The following ATP6V1B1 variants were observed in gnomAD, a reference collection of about 807,000 sequenced individuals.
The protein encoded by ATP6V1B1 is V-type proton ATPase subunit B, kidney isoform.
In ATP6V1B1, 41 loss-of-function variants were observed where a neutral mutation model predicts 62.1. The ratio of observed to expected loss-of-function variants is 0.66; its 90% CI spans 0.51 to 0.86. ATP6V1B1 has a LOEUF of 0.86. Among genes scored for constraint, ATP6V1B1 ranks in the 40% least tolerant of loss-of-function variants. The probability of loss-of-function intolerance (pLI) is 0.00; values close to 1 mark genes in which losing one functional copy is unlikely to be tolerated. For synonymous variants in ATP6V1B1, 253 were observed against 273.4 expected, an observed-to-expected ratio of 0.93 and a Z score of 0.74; for missense variants, 651 against 697.5, an observed-to-expected ratio of 0.93 and a Z score of 0.75.
chr2:70,961,448 C>G (rs1360076287), intron 7 of ATP6V1B1, 148 bp from the exon 8 acceptor site: 5 of 805,626 alleles, frequency 6.2e-6, no homozygotes, highest in Non-Finnish European at 1.0e-5. Flanking sequence ...CTTTCCAGCC[C>G]CGGGGTCACC....
intron 2 of ATP6V1B1, chr2:70,944,008 T>C: frequency 1.0e-6 from 1 of 985,286 alleles, no homozygotes; most frequent in Non-Finnish European, 1.2e-6. Context: ...CGTTTCCCTA[T>C]CAGTGGCATG....
chr2:70,960,579 C>CCA (rs1385879513), intron 6 of ATP6V1B1, among the ~76,000 whole-genome samples: 1 of 152,134 alleles, frequency 6.6e-6, no homozygotes, highest in Non-Finnish European at 1.5e-5. Flanking sequence ...TCTTGGAGGC[C>CCA]CACAGACTAC....
intron 2 of ATP6V1B1, chr2:70,957,658 A>T (rs909870216): frequency 3.5e-5 from 12 of 345,068 alleles, no homozygotes; most frequent in Non-Finnish European, 5.1e-5. Flanking sequence ...ATGGATCTGC[A>T]TATGTTATCT....
chr2:70,965,190 G>T lies in ATP6V1B1; in HGVS notation c.*69G>T. On this transcript the variant is annotated 3_prime_UTR_variant, in exon 14 of 14. Coordinates refer to ENST00000234396, the MANE Select transcript of ATP6V1B1 (RefSeq NM_001692.4). ...TCGGCTCCCGGGTCTCCCCTCCCTCGCCACCCCAACCAGCGGCTTCTGCGC... is the reference window on the plus strand; with the variant it reads ...TCGGCTCCCGGGTCTCCCCTCCCTCTCCACCCCAACCAGCGGCTTCTGCGC... 1 of 1,585,742 alleles carries T rather than the reference G, an allele frequency of 6.3e-7. No homozygotes were observed.
rs982193032 is a variant in ATP6V1B1, at chr2:70,963,243, C to T, written c.991C>T (p.Arg331Trp). The change falls in exon 10 of 14, where the codon CGG (arginine) becomes TGG (tryptophan). Residue 331 changes from arginine (R) to tryptophan (W), a missense_variant. By Grantham distance (101) the Arg-to-Trp change is moderately radical (BLOSUM62 -3). Coordinates refer to ENST00000234396, the MANE Select transcript of ATP6V1B1 (RefSeq NM_001692.4). This position sits in a 1 kb window ranked among gnomAD's most constrained non-coding sequence, Gnocchi z 4.3. ...CACAGACCTGGCCACCATCTACGAG[C>T]GGGCGGGCCGCGTGGAGGGTCGGGG... ...MYTDLATIYE[R>W]AGRVEGRGGS... The T allele has an allele frequency of 2.7e-5, 43 of 1,613,934 alleles. No homozygotes were observed. Among genetic ancestry groups the T allele is most frequent in the Admixed American group, 3.3e-5 (2 of 60,026 alleles).
intron 1 of ATP6V1B1, among the ~76,000 whole-genome samples, chr2:70,936,640 T>G (rs1679860389): frequency 6.6e-6 from 1 of 152,102 alleles, no homozygotes; most frequent in South Asian, 2.1e-4. Context: ...GCTCCCACCT[T>G]CACTTGGGGT....
rs2104831930 is a variant in ATP6V1B1 at position 70,963,272 on chromosome 2, A to G, written c.1020A>G (p.Gly340=). ...CGGGCCGCGTGGAGGGTCGGGGAGG[A>G]TCCATCACACAGATCCCCATCCTCA... is the stretch of plus-strand genomic sequence containing the variant. The part of the protein sequence containing the change: ...ERAGRVEGRG[G]SITQIPILTM... The change falls in exon 10 of 14, where the codon GGA becomes GGG. Residue 340 remains glycine, a synonymous_variant. Transcript: ENST00000234396. This position sits in a 1 kb window ranked among gnomAD's most constrained non-coding sequence, Gnocchi z 4.3. 4 of 1,613,478 alleles carry G rather than the reference A, an allele frequency of 2.5e-6. No homozygotes were observed. Among genetic ancestry groups the G allele is most frequent in the Non-Finnish European group, 2.5e-6 (3 of 1,179,958 alleles).
At chr2:70,961,793 C>G in intron 8 of ATP6V1B1, 100 bp downstream of exon 8, 1 of 1,163,488 alleles carries the variant, frequency 8.6e-7, no homozygotes, top group East Asian at 2.4e-5. Context: ...AGAACTACAG[C>G]CATACGCCAG....
intron 13 of ATP6V1B1, 45 bp from the exon 14 acceptor site, chr2:70,964,913 C>T: frequency 6.2e-7 from 1 of 1,614,072 alleles, no homozygotes; most frequent in South Asian, 1.1e-5. Context: ...CACCCTCCTT[C>T]CGCCCCACAC....
At chr2:70,948,699 G>C (rs1680248752) in intron 2 of ATP6V1B1, 1 of 152,168 alleles carries the variant, frequency 6.6e-6, no homozygotes, top group South Asian at 2.1e-4. Flanking sequence ...CTCCCCGGCC[G>C]GCCTAGTGCT....
chr2:70,940,273 C>T lies in ATP6V1B1; in HGVS notation c.119-3385C>T, dbSNP rs1380113688. On this transcript the variant is annotated intron_variant, in intron 1 of 13. Transcript: ENST00000234396. The stretch of plus-strand genomic sequence containing the variant: ...AGGGAGGAAGTTGAAAGACTTGTCT[C>T]CTGAGGCAGTGGAATTAGAAATGAT... The T allele has an allele frequency of 4.3e-6, 3 of 699,064 alleles. No homozygotes were observed. In the African/African-American group the frequency reaches 5.8e-5, roughly 14 times the overall value. 43.3% of individuals were successfully genotyped at this position (699,064 alleles called of 1,614,324 possible). A position where few individuals can be genotyped will look rare whatever the true frequency, so the allele number is the denominator to read the frequency against.
chr2:70,942,189 A>G (rs574106079), intron 1 of ATP6V1B1: 245 of 455,322 alleles, frequency 5.4e-4, no homozygotes, highest in African/African-American at 4.2e-3. Context: ...AAGCAGGGAC[A>G]CCTCCTTAGT....
At chr2:70,955,202 T>C (rs1680405500) in intron 2 of ATP6V1B1, among the ~76,000 whole-genome samples, 1 of 152,182 alleles carries the variant, frequency 6.6e-6, no homozygotes, top group Non-Finnish European at 1.5e-5. Context: ...AGGGTTTCAC[T>C]CTGTCACCCA....
At chr2:70,960,439 G>A (rs1409089526) in intron 6 of ATP6V1B1, among the ~76,000 whole-genome samples, 1 of 152,162 alleles carries the variant, frequency 6.6e-6, no homozygotes. Context: ...CAGAGCAGCT[G>A]GTGTGACAAG....
At chr2:70,937,194 A>G (rs568404486) in intron 1 of ATP6V1B1, among the ~76,000 whole-genome samples, 100 of 151,978 alleles carry the variant, frequency 6.6e-4, no homozygotes, top group African/African-American at 2.4e-3. Flanking sequence ...CCTAACAGGG[A>G]GTGTGGTGTG....
At position 70,963,931 on chromosome 2, in the gene ATP6V1B1, G is replaced by A. The variant is rs533291393; in HGVS notation, c.1143+277G>A. ...GAATAATCAAATATATCACCCAGAC[G>A]CATTGTGGAGGATAAAAATAAGTTG... On this transcript the variant is annotated intron_variant, in intron 11 of 13. Transcript: ENST00000234396. This position sits in a 1 kb window ranked among gnomAD's most constrained non-coding sequence, Gnocchi z 4.3. 20 of 534,354 alleles carry A rather than the reference G, an allele frequency of 3.7e-5. No homozygotes were observed. The highest frequency in any genetic ancestry group is 5.7e-5 in the African/African-American group (3 of 52,556). 33.1% of individuals were successfully genotyped at this position (534,354 alleles called of 1,614,324 possible).
Position 70,943,569 on chromosome 2 carries a change from GA to G in ATP6V1B1, c.119-88del, listed in dbSNP as rs1553416758. On this transcript the variant is annotated intron_variant, in intron 1 of 13. Coordinates refer to ENST00000234396, the MANE Select transcript of ATP6V1B1 (RefSeq NM_001692.4). ...CAGGCTGGGAAGGAGGTGGGGTGTG[GA>G]GAGAGGAAGGGAAGGCAGAGGATGC... 16 of 1,318,058 alleles carry G rather than the reference GA, an allele frequency of 1.2e-5. No homozygotes were observed. The African/African-American group carries it at 3.3e-4, about 27-fold the overall frequency. The allele number at this position is 1,318,058 out of a possible 1,614,324, so 81.6% of individuals were successfully genotyped here.
At chr2:70,942,036 G>A (rs1361133999) in intron 1 of ATP6V1B1, 6 of 1,115,960 alleles carry the variant, frequency 5.4e-6, no homozygotes, top group Non-Finnish European at 5.5e-6. Flanking sequence ...GGTTTATTTT[G>A]TACTGGAAAC....
chr2:70,943,745 A>T, intron 2 of ATP6V1B1, 32 bp downstream of exon 2: 1 of 1,612,274 alleles, frequency 6.2e-7, no homozygotes, highest in Non-Finnish European at 8.5e-7. Context: ...CCTGGCACTA[A>T]GGCCAAATCC....
Sources: allele counts gnomAD v4.1 joint callset (sites outside exome capture counted in the v4.1 genomes callset), GRCh38; gene constraint gnomAD v4.1.1; non-coding constraint Gnocchi (gnomAD v3.1); transcripts MANE v1.5; gene names NCBI Gene and HGNC (gene_info 2026-07-23, HGNC 2026-07-21).